The following VPS13D variants were observed in gnomAD, a reference collection of about 807,000 sequenced individuals.
VPS13D encodes the protein vacuolar protein sorting 13 homolog D.
In VPS13D, 187 loss-of-function variants were observed where a neutral mutation model predicts 461.9. That is an observed-to-expected ratio of 0.40 (90% CI 0.36 to 0.46). The LOEUF (loss-of-function observed/expected upper bound fraction) is 0.46. Ranked by LOEUF, VPS13D falls within the 20% of genes least tolerant of loss-of-function variation. The probability of loss-of-function intolerance (pLI) is 0.60; values close to 1 mark genes in which losing one functional copy is unlikely to be tolerated. For missense variants in VPS13D, 4,711 were observed against 5,364.9 expected (o/e 0.88, Z 3.81); for synonymous variants, 1,951 against 1,986.3 (o/e 0.98, Z 0.47).
chr1:12,428,394 C>G (rs1028011651), intron 65 of VPS13D, among the ~76,000 whole-genome samples: 2 of 152,206 alleles, frequency 1.3e-5, no homozygotes, highest in African/African-American at 4.8e-5. Context: ...CCCTCCAGTG[C>G]CATTCCTAAG....
intron 2 of VPS13D, 109 bp from the exon 3 acceptor site, chr1:12,242,404 G>C: frequency 3.2e-6 from 3 of 933,842 alleles, no homozygotes; most frequent in Non-Finnish European, 5.0e-6. Flanking sequence ...ACATGACGTA[G>C]CCTATTCTAT....
intron 54 of VPS13D, among the ~76,000 whole-genome samples, chr1:12,371,477 A>G (rs755150687): frequency 1.4e-4 from 20 of 138,864 alleles, no homozygotes; most frequent in East Asian, 2.1e-4. Flanking sequence ...TGTAACCTCC[A>G]CCTCCCGGGT....
At chr1:12,255,853 T>C (rs1028719223) in intron 7 of VPS13D, among the ~76,000 whole-genome samples, 72 of 140,440 alleles carry the variant, frequency 5.1e-4, no homozygotes, top group African/African-American at 1.9e-3. Flanking sequence ...ATTGCATCAC[T>C]GCACTCCAGC....
At position 12,455,989 on chromosome 1, in the gene VPS13D, T is replaced by TC. The variant is rs1412634815; in HGVS notation, c.12334-7dup. 1.1e-5 allele frequency: 17 copies of TC among 1,596,174 alleles called. No homozygotes were observed. Among genetic ancestry groups the TC allele is most frequent in the Non-Finnish European group, 1.4e-5 (17 of 1,173,886 alleles). On this transcript the variant is annotated splice_polypyrimidine_tract_variant and intron_variant, in intron 65 of 69. Coordinates refer to ENST00000620676, the MANE Select transcript of VPS13D (RefSeq NM_015378.4). ...TTAAAACTCTTCTCCTGCTTTTAAC[T>TC]CCTTCTAGTTTGCTGGAACATTATC...
intron 65 of VPS13D, among the ~76,000 whole-genome samples, chr1:12,436,657 C>G (rs1023705304): frequency 7.9e-5 from 12 of 152,024 alleles, no homozygotes; most frequent in African/African-American, 2.7e-4. Context: ...TTATTTTTTG[C>G]AAGTTTTTTT....
In VPS13D at chr1:12,499,712, G is replaced by A. The variant is rs17038046; in HGVS notation, c.12794+2081G>A. The A allele has an allele frequency of 2.0e-3, 1,957 of 985,408 alleles. 32 individuals carry two copies. The African/African-American group carries it at 0.031, about 16-fold the overall frequency. The allele number at this position is 985,408 out of a possible 1,614,324, so 61.0% of individuals were successfully genotyped here. ...AAGTTGTGGGTTAAATCTTGCCAAT[G>A]AATGCTGAAGGAGGCACGTGACCAC... On this transcript the variant is annotated intron_variant, in intron 68 of 69. Coordinates refer to ENST00000620676, the MANE Select transcript of VPS13D (RefSeq NM_015378.4).
At chr1:12,478,268 G>T (rs1197639021) in intron 67 of VPS13D, among the ~76,000 whole-genome samples, 1 of 152,254 alleles carries the variant, frequency 6.6e-6, no homozygotes, top group African/African-American at 2.4e-5. Context: ...AGGGAGTGCC[G>T]CGTGGGCCGG....
At chr1:12,371,838 C>G (rs892648956) in intron 54 of VPS13D, among the ~76,000 whole-genome samples, 1 of 152,156 alleles carries the variant, frequency 6.6e-6, no homozygotes, top group African/African-American at 2.4e-5. Context: ...ATGAACATGC[C>G]TGTACATATA....
intron 50 of VPS13D, among the ~76,000 whole-genome samples, chr1:12,361,890 A>G (rs12095894): frequency 0.11 from 16,320 of 152,182 alleles, 1,759 homozygotes; most frequent in African/African-American, 0.27. Flanking sequence ...ACGGAGTCTC[A>G]CACTGTCACC....
At chr1:12,310,359 T>C (rs1195288561) in intron 27 of VPS13D, among the ~76,000 whole-genome samples, 1 of 152,204 alleles carries the variant, frequency 6.6e-6, no homozygotes, top group Non-Finnish European at 1.5e-5. Flanking sequence ...ACTTTTCTTA[T>C]ATACCTCTGC....
At chr1:12,480,588 T>C (rs1006542784) in intron 67 of VPS13D, among the ~76,000 whole-genome samples, 5 of 152,200 alleles carry the variant, frequency 3.3e-5, no homozygotes, top group Non-Finnish European at 5.9e-5. Context: ...TCAGCAAACG[T>C]TGGTACTGGC....
intron 65 of VPS13D, among the ~76,000 whole-genome samples, chr1:12,417,893 GTCTTT>G (rs1017295019): frequency 2.0e-5 from 3 of 152,100 alleles, no homozygotes; most frequent in Non-Finnish European, 4.4e-5. Flanking sequence ...ATAAGCAACA[GTCTTT>G]TCTTTTTCTT....
Position 12,234,201 on chromosome 1 carries a change from G to C in VPS13D, c.-66G>C. The C allele has an allele frequency of 8.6e-7, 1 of 1,164,616 alleles. No homozygotes were observed. The highest frequency in any genetic ancestry group is 1.3e-6 in the Non-Finnish European group (1 of 796,520). 72.1% of individuals were successfully genotyped at this position (1,164,616 alleles called of 1,614,324 possible). A position where few individuals can be genotyped will look rare whatever the true frequency, so the allele number is the denominator to read the frequency against. ...ATTTTCCTTTCATAGATTTTTCTGT[G>C]ACCATGAAAGAGAGAAATAAAGAAT... On this transcript the variant is annotated 5_prime_UTR_variant, in exon 2 of 70. Coordinates refer to ENST00000620676, the MANE Select transcript of VPS13D (RefSeq NM_015378.4).
At chr1:12,462,527 A>G (rs1190193929) in intron 67 of VPS13D, among the ~76,000 whole-genome samples, 1 of 152,232 alleles carries the variant, frequency 6.6e-6, no homozygotes, top group African/African-American at 2.4e-5. Flanking sequence ...CAGAGAAGTC[A>G]TGGAGCTTGT....
chr1:12,329,670 T>C (rs1482194767), intron 36 of VPS13D, among the ~76,000 whole-genome samples, 159 bp from the exon 37 acceptor site: 1 of 152,216 alleles, frequency 6.6e-6, no homozygotes. Context: ...GCCATATTTT[T>C]AAAAATTGAT....
At chr1:12,469,200 G>T (rs1435130814) in intron 67 of VPS13D, among the ~76,000 whole-genome samples, 1 of 152,000 alleles carries the variant, frequency 6.6e-6, no homozygotes, top group East Asian at 1.9e-4. Context: ...TAGAACAGAG[G>T]GTCTCAAAAT....
chr1:12,469,640 G>A (rs1342650987), intron 67 of VPS13D, among the ~76,000 whole-genome samples: 1 of 152,252 alleles, frequency 6.6e-6, no homozygotes, highest in Non-Finnish European at 1.5e-5. Context: ...AGGAGCCGCT[G>A]TAATGCAATG....
At chr1:12,444,426 G>T (rs904262655) in intron 65 of VPS13D, among the ~76,000 whole-genome samples, 22 of 152,104 alleles carry the variant, frequency 1.4e-4, no homozygotes, top group Non-Finnish European at 2.8e-4. Context: ...GGACGATTTT[G>T]GGAAACTCTT....
chr1:12,380,983 T>C (rs2101645858), intron 57 of VPS13D, among the ~76,000 whole-genome samples: 2 of 152,354 alleles, frequency 1.3e-5, no homozygotes, highest in East Asian at 3.9e-4. Context: ...CTGACTTCAC[T>C]TCTAGTTTGT....
Sources: allele counts gnomAD v4.1 joint callset (sites outside exome capture counted in the v4.1 genomes callset), GRCh38; gene constraint gnomAD v4.1.1; transcripts MANE v1.5; gene names NCBI Gene and HGNC (gene_info 2026-07-23, HGNC 2026-07-21).